SCGB2B2: variants seen among roughly 807,000 people sequenced by gnomAD.
SCGB2B2 encodes the protein secretoglobin family 2B member 2, also known as secretoglobin-like protein.
Under a neutral mutation model 7.6 loss-of-function variants are expected in SCGB2B2, and 11 were observed. The observed-to-expected ratio is 1.45, with a 90% confidence interval of 0.91 to 2.40. The LOEUF is 2.40. Among genes scored for constraint, SCGB2B2 ranks in the 30% most tolerant of loss-of-function variants. The pLI is 0.00. For synonymous variants in SCGB2B2, 50 were observed against 48.6 expected (o/e 1.03, Z -0.12); for missense variants, 104 against 115.4 (o/e 0.90, Z 0.45).
At chr19:34,668,644 A>G (rs2067708603) in intron 1 of SCGB2B2, among the ~76,000 whole-genome samples, 1 of 152,206 alleles carries the variant, frequency 6.6e-6, no homozygotes, top group African/African-American at 2.4e-5. Flanking sequence ...CTTTATGTCT[A>G]GCTAACGGAT....
chr19:34,666,726 C>A (rs113575922), intron 1 of SCGB2B2, among the ~76,000 whole-genome samples: 2,413 of 152,304 alleles, frequency 0.016, 43 homozygotes, highest in South Asian at 0.084. Flanking sequence ...TCGGCCCTGA[C>A]CCCGCACTGC....
chr19:34,669,599 C>CA (rs1409315463), intron 1 of SCGB2B2, among the ~76,000 whole-genome samples: 1 of 151,462 alleles, frequency 6.6e-6, no homozygotes, highest in African/African-American at 2.4e-5. Context: ...CACAGGATGT[C>CA]ACAGCAACAC....
intron 1 of SCGB2B2, among the ~76,000 whole-genome samples, chr19:34,607,684 T>C (rs1389026126): frequency 2.6e-5 from 4 of 152,254 alleles, no homozygotes; most frequent in Admixed American, 2.0e-4. Context: ...TGATTGCCAT[T>C]TCCCTGATGA....
chr19:34,617,004 G>C (rs558402826), intron 1 of SCGB2B2, among the ~76,000 whole-genome samples: 17 of 152,166 alleles, frequency 1.1e-4, no homozygotes, highest in African/African-American at 3.4e-4. Flanking sequence ...GTAGATATGC[G>C]GCATTATTTC....
At chr19:34,639,781 G>C (rs1019190835) in intron 1 of SCGB2B2, among the ~76,000 whole-genome samples, 18 of 152,072 alleles carry the variant, frequency 1.2e-4, no homozygotes, top group Non-Finnish European at 1.8e-4. Context: ...CTCTTTGATG[G>C]GTCTCACTCC....
intron 1 of SCGB2B2, chr19:34,640,629 T>A (rs1049234647): frequency 2.3e-4 from 35 of 152,338 alleles, no homozygotes; most frequent in African/African-American, 7.5e-4. Flanking sequence ...ATGAAGTTAA[T>A]CATTTTAACT....
At chr19:34,630,661 T>C (rs1449383089) in intron 1 of SCGB2B2, among the ~76,000 whole-genome samples, 2 of 148,942 alleles carry the variant, frequency 1.3e-5, no homozygotes, top group Non-Finnish European at 3.0e-5. Flanking sequence ...TTTACACTGT[T>C]GGTGGGACTG....
intron 1 of SCGB2B2, among the ~76,000 whole-genome samples, chr19:34,597,909 G>A (rs114238243): frequency 0.013 from 2,033 of 152,202 alleles, 51 homozygotes; most frequent in African/African-American, 0.045. Context: ...CTGGTGGGTG[G>A]GTCAGGGCGT....
chr19:34,655,357 A>G (rs1304061333), intron 1 of SCGB2B2, among the ~76,000 whole-genome samples: 1 of 151,312 alleles, frequency 6.6e-6, no homozygotes, highest in Non-Finnish European at 1.5e-5. Flanking sequence ...AATCTGCAGG[A>G]TAAAACCTTG....
At chr19:34,630,191 A>G (rs2066490241) in intron 1 of SCGB2B2, among the ~76,000 whole-genome samples, 1 of 151,978 alleles carries the variant, frequency 6.6e-6, no homozygotes, top group South Asian at 2.1e-4. Flanking sequence ...ACCATTCAGG[A>G]CATAGGCATG....
chr19:34,641,803 T>C (rs2146010217), intron 1 of SCGB2B2, among the ~76,000 whole-genome samples: 1 of 152,308 alleles, frequency 6.6e-6, no homozygotes, highest in East Asian at 1.9e-4. Context: ...ACCCCAAAAA[T>C]ATATTTCTTT....
Position 34,595,720 on chromosome 19 carries a change from C to T in SCGB2B2, c.-1157G>A, listed in dbSNP as rs1269309845. The T allele has an allele frequency of 6.6e-6, 1 of 152,204 alleles. No homozygotes were observed. The highest frequency in any genetic ancestry group is 1.5e-5 in the Non-Finnish European group (1 of 68,044). The allele number at this position is 152,204 out of a possible 1,614,324, so 9.4% of individuals were successfully genotyped here. On this transcript the variant is annotated 5_prime_UTR_variant, in exon 2 of 4. The change abolishes the stop of an existing upstream ORF in the 5' untranslated region. Coordinates refer to ENST00000601241, the MANE Select transcript of SCGB2B2 (RefSeq NM_001025591.4). Reference sequence around the variant, plus strand: ...ACCCCACAAGCCCTTTTCCCAGCACCTACATATGAGGGAGCTGATGTCACT... The same window carrying T: ...ACCCCACAAGCCCTTTTCCCAGCACTTACATATGAGGGAGCTGATGTCACT...
intron 1 of SCGB2B2, among the ~76,000 whole-genome samples, chr19:34,661,314 G>T (rs59912641): frequency 0.36 from 54,676 of 151,714 alleles, 10,148 homozygotes; most frequent in African/African-American, 0.44. Flanking sequence ...TTAAAAAAAA[G>T]AAATACATAT....
chr19:34,598,162 G>T (rs1222595226), intron 1 of SCGB2B2, among the ~76,000 whole-genome samples: 1 of 152,300 alleles, frequency 6.6e-6, no homozygotes, highest in South Asian at 2.1e-4. Context: ...TCAGAGGTCA[G>T]GGCCCTAGAG....
At chr19:34,612,857 T>C (rs897142176) in intron 1 of SCGB2B2, among the ~76,000 whole-genome samples, 2 of 152,212 alleles carry the variant, frequency 1.3e-5, no homozygotes, top group African/African-American at 4.8e-5. Context: ...TGCATATGTA[T>C]TTAGAATTGT....
chr19:34,669,385 A>G (rs2067736329), intron 1 of SCGB2B2, among the ~76,000 whole-genome samples: 1 of 152,246 alleles, frequency 6.6e-6, no homozygotes. Context: ...CTACCCATTC[A>G]GACAAACAAA....
chr19:34,615,491 T>C (rs535558718), intron 1 of SCGB2B2, among the ~76,000 whole-genome samples: 82 of 152,028 alleles, frequency 5.4e-4, no homozygotes, highest in African/African-American at 1.9e-3. Context: ...TCTGTGCTCA[T>C]TAGAGTTTCT....
At chr19:34,651,918 C>A (rs1036274767) in intron 1 of SCGB2B2, among the ~76,000 whole-genome samples, 1 of 151,134 alleles carries the variant, frequency 6.6e-6, no homozygotes, top group East Asian at 1.9e-4. Context: ...ATGGTACTTG[C>A]ATAAAAACAG....
intron 1 of SCGB2B2, among the ~76,000 whole-genome samples, chr19:34,671,443 CTTT>C: frequency 6.7e-6 from 1 of 149,250 alleles, no homozygotes; most frequent in South Asian, 2.1e-4. Context: ...GCATCTTTTT[CTTT>C]TTTTTTTGCT....
Sources: gnomAD v4.1 joint callset for allele counts (sites outside exome capture counted in the v4.1 genomes callset) on GRCh38, gnomAD v4.1.1 for gene constraint, MANE v1.5 for transcripts, NCBI Gene and HGNC (gene_info 2026-07-23, HGNC 2026-07-21) for gene names.